Variants in SLC9B2 observed in about 807,000 individuals in gnomAD.
SLC9B2 encodes solute carrier family 9 member B2.
A neutral mutation model predicts 52.2 loss-of-function variants in SLC9B2; 39 were observed. The observed-to-expected ratio is 0.75, with a 90% CI of 0.58 to 0.98. The LOEUF (loss-of-function observed/expected upper bound fraction) is 0.98. Ranked by LOEUF, SLC9B2 falls within the 50% of genes least tolerant of loss-of-function variation. The probability of loss-of-function intolerance (pLI) is 0.00; values close to 1 mark genes in which losing one functional copy is unlikely to be tolerated. For missense variants in SLC9B2, 626 were observed against 637.5 expected, an observed-to-expected ratio of 0.98 and a Z score of 0.19; for synonymous variants, 214 against 227.0, an observed-to-expected ratio of 0.94 and a Z score of 0.51.
intron 4 of SLC9B2, among the ~76,000 whole-genome samples, chr4:103,056,258 C>CT (rs1430831722): frequency 7.3e-5 from 11 of 150,158 alleles, no homozygotes; most frequent in Non-Finnish European, 1.6e-4. Flanking sequence ...TCATTTTTAT[C>CT]TTTTTTGAGA....
At chr4:103,020,230 TTATCAGTA>T (rs1741686545), downstream of SLC9B2, 2 of 401,652 alleles carry the variant, frequency 5.0e-6, no homozygotes, top group Non-Finnish European at 9.6e-6. Context: ...TAATATACTG[TTATCAGTA>T]TAAAACCTTT....
At chr4:103,020,006 G>A (rs1334861357), downstream of SLC9B2, 6 of 838,386 alleles carry the variant, frequency 7.2e-6, no homozygotes, top group Admixed American at 2.4e-4. Flanking sequence ...CCTAAAGTCA[G>A]CTTAAAGTGC....
intron 6 of SLC9B2, among the ~76,000 whole-genome samples, 169 bp from the exon 7 acceptor site, chr4:103,047,395 TTC>T (rs1311019052): frequency 6.6e-6 from 1 of 152,190 alleles, no homozygotes; most frequent in Non-Finnish European, 1.5e-5. Context: ...TTGTTTTTTT[TTC>T]TTTTTTTTAT....
intron 9 of SLC9B2, among the ~76,000 whole-genome samples, chr4:103,041,416 T>C (rs1409611390): frequency 6.6e-6 from 1 of 152,192 alleles, no homozygotes; most frequent in East Asian, 1.9e-4. Flanking sequence ...GTTTGGTTTA[T>C]AAGAATCATT....
intron 3 of SLC9B2, among the ~76,000 whole-genome samples, chr4:103,058,711 T>C (rs187591339): frequency 5.9e-5 from 9 of 152,184 alleles, no homozygotes; most frequent in South Asian, 2.1e-4. Flanking sequence ...CTCAAATTTT[T>C]CATCTGGGAC....
At position 103,043,321 on chromosome 4, in the gene SLC9B2, GCAAGGAAAGCCATGAC is replaced by G; in HGVS notation, c.1105_1120del (p.Val369GlnfsTer15). On this transcript the variant is annotated frameshift_variant, in exon 9 of 12. Transcript: ENST00000394785. ...CTTTTCGCTGGTCCATCCCATGCCT[GCAAGGAAAGCCATGAC>G]CAACGTGCACAGTCCTCCTGATCCA... 6.2e-7 allele frequency: 1 copy of G among 1,611,222 alleles called. No homozygotes were observed. The highest frequency in any genetic ancestry group is 1.1e-5 in the South Asian group (1 of 90,252).
chr4:103,074,996 A>C (rs1746985221), intron 1 of SLC9B2, among the ~76,000 whole-genome samples: 1 of 152,214 alleles, frequency 6.6e-6, no homozygotes, highest in South Asian at 2.1e-4. Flanking sequence ...GAGGATTCAG[A>C]AGTGAACGGT....
intron 9 of SLC9B2, among the ~76,000 whole-genome samples, chr4:103,041,585 G>C (rs147452676): frequency 6.6e-6 from 1 of 152,060 alleles, no homozygotes; most frequent in East Asian, 1.9e-4. Context: ...ACTTTTTTAT[G>C]CTCTGTTTCA....
rs904468354 is a variant in SLC9B2, at chr4:103,023,439, C to A, written c.*2931G>T. ...GTTGGTCAGTACTCTATCAGGTTAA[C>A]CCTAAGTTCACCAACCAAGTCAAGA... On this transcript the variant is annotated 3_prime_UTR_variant, in exon 12 of 12. Transcript: ENST00000394785. Among the ~76,000 whole-genome samples, 1 of 152,260 alleles carries A rather than the reference C, an allele frequency of 6.6e-6. No homozygotes were observed. Among genetic ancestry groups the A allele is most frequent in the African/African-American group, 2.4e-5 (1 of 41,528 alleles).
rs552002106 is a variant in SLC9B2 at position 103,047,338 on chromosome 4, T to C, written c.714-112A>G. ...ATACTTGGACAACAACAGTCTTTCT[T>C]TTTTTTTTTCTAAATTAAGAAAACA... is the stretch of plus-strand genomic sequence containing the variant. On this transcript the variant is annotated intron_variant, in intron 6 of 11. Transcript: ENST00000394785. 2.1e-4 allele frequency: 188 copies of C among 913,500 alleles called. No individual in the cohort carries two copies. The African/African-American group carries it at 2.9e-3, about 14-fold the overall frequency. 56.6% of individuals were successfully genotyped at this position (913,500 alleles called of 1,614,324 possible).
chr4:103,031,955 C>CA (rs1435031747), intron 9 of SLC9B2, 147 bp from the exon 10 acceptor site: 1 of 664,934 alleles, frequency 1.5e-6, no homozygotes, highest in Non-Finnish European at 2.5e-6. Context: ...TAGAACAGAG[C>CA]AAAAAAACTG....
intron 9 of SLC9B2, among the ~76,000 whole-genome samples, chr4:103,042,609 T>A (rs1368709141): frequency 1.3e-5 from 2 of 151,338 alleles, no homozygotes; most frequent in Non-Finnish European, 3.0e-5. Context: ...GATATATTTT[T>A]AATTCATAAT....
rs1744528077 is a variant in SLC9B2, at chr4:103,050,044, AC to A, written c.585+195del. The stretch of plus-strand genomic sequence containing the variant: ...AAAAAAAAAGGAAGAAAATGAGACC[AC>A]CTTTTGAGTTATTGCAAACCACAAC... On this transcript the variant is annotated intron_variant, in intron 5 of 11. Coordinates refer to ENST00000394785, the MANE Select transcript of SLC9B2 (RefSeq NM_178833.7). Among the ~76,000 whole-genome samples, 4 of 151,596 alleles carry A rather than the reference AC, an allele frequency of 2.6e-5. 1 individual carries two copies. The South Asian group carries it at 8.3e-4, about 32-fold the overall frequency.
chr4:103,070,943 T>C (rs1274587090), intron 1 of SLC9B2, among the ~76,000 whole-genome samples: 2 of 151,842 alleles, frequency 1.3e-5, no homozygotes, highest in African/African-American at 4.8e-5. Flanking sequence ...AGCAAGACTG[T>C]ATAAAAAAAG....
downstream of SLC9B2, among the ~76,000 whole-genome samples, chr4:103,019,423 G>A (rs562815556): frequency 5.9e-5 from 9 of 152,326 alleles, no homozygotes; most frequent in East Asian, 1.7e-3. Context: ...GTCACGGAGA[G>A]GAGAGACAAT....
chr4:103,045,186 T>G (rs564512256), intron 7 of SLC9B2, among the ~76,000 whole-genome samples, 190 bp from the exon 8 acceptor site: 1 of 152,260 alleles, frequency 6.6e-6, no homozygotes, highest in South Asian at 2.1e-4. Context: ...TTAGGAAACT[T>G]TAATTAAAAA....
chr4:103,040,301 T>C (rs919638722), intron 9 of SLC9B2, among the ~76,000 whole-genome samples: 21 of 152,218 alleles, frequency 1.4e-4, no homozygotes, highest in Admixed American at 5.2e-4. Context: ...AGAATAGTAA[T>C]GAAAGTAGAA....
chr4:103,069,389 G>A (rs191568116), intron 1 of SLC9B2, among the ~76,000 whole-genome samples: 23 of 152,302 alleles, frequency 1.5e-4, no homozygotes, highest in African/African-American at 4.8e-4. Context: ...GGCTGGGTTC[G>A]AATTTGGATA....
rs768208534 is a variant in SLC9B2 at position 103,024,531 on chromosome 4, G to A, written c.*1839C>T. ...GTGAAAGCCATGGTGGATAGGGCTC[G>A]AACAGAAGTCTAATGAAGAGAGGAA... On this transcript the variant is annotated 3_prime_UTR_variant, in exon 12 of 12. Coordinates refer to ENST00000394785, the MANE Select transcript of SLC9B2 (RefSeq NM_178833.7). Among the ~76,000 whole-genome samples the A allele has an allele frequency of 2.0e-5, 3 of 152,176 alleles. No homozygotes were observed. The highest frequency in any genetic ancestry group is 4.4e-5 in the Non-Finnish European group (3 of 68,022).
Sources: allele counts gnomAD v4.1 joint callset (sites outside exome capture counted in the v4.1 genomes callset), GRCh38; gene constraint gnomAD v4.1.1; transcripts MANE v1.5; gene names NCBI Gene and HGNC (gene_info 2026-07-23, HGNC 2026-07-21).